VPS13D: variants seen among roughly 807,000 people sequenced by gnomAD.
VPS13D encodes vacuolar protein sorting 13 homolog D.
A neutral mutation model predicts 461.9 loss-of-function variants in VPS13D; 187 were observed. The ratio of observed to expected loss-of-function variants is 0.40; its 90% CI spans 0.36 to 0.46. VPS13D has a LOEUF of 0.46. VPS13D is among the 20% of genes least tolerant of loss of function. The pLI is 0.60. For synonymous variants in VPS13D, 1,951 were observed against 1,986.3 expected (o/e 0.98, Z 0.47); for missense variants, 4,711 against 5,364.9 (o/e 0.88, Z 3.81).
chr1:12,382,284 T>C (rs1240432329), intron 57 of VPS13D, among the ~76,000 whole-genome samples: 1 of 152,072 alleles, frequency 6.6e-6, no homozygotes, highest in African/African-American at 2.4e-5. Flanking sequence ...GTATTTTTAG[T>C]AGAGATAGGG....
At position 12,299,488 on chromosome 1, in the gene VPS13D, T is replaced by C; in HGVS notation, c.6216+104T>C. 6.7e-6 allele frequency: 9 copies of C among 1,340,380 alleles called. No individual in the cohort carries two copies. In the South Asian group the frequency reaches 1.4e-4, roughly 21 times the overall value. 83.0% of individuals were successfully genotyped at this position (1,340,380 alleles called of 1,614,324 possible). On this transcript the variant is annotated intron_variant, in intron 25 of 69. Transcript: ENST00000620676. The surrounding 1 kb of genome is among the most constrained non-coding windows in gnomAD (Gnocchi z 4.2). ...GATGATCCATAATTGCTATTACTTTTGTAGGGTATGTGGCTTGAAGAATTT... is the reference window on the plus strand; with the variant it reads ...GATGATCCATAATTGCTATTACTTTCGTAGGGTATGTGGCTTGAAGAATTT...
chr1:12,368,495 A>G lies in VPS13D; in HGVS notation c.10476A>G (p.Leu3492=), dbSNP rs769962846. ...ATACCTTGGGAAAATGCTTCTTCCTACGAGTGGAAATTACTCTCCGAGGAG... is the reference window on the plus strand; with the variant it reads ...ATACCTTGGGAAAATGCTTCTTCCTGCGAGTGGAAATTACTCTCCGAGGAG... ...MRDTLGKCFF[L]RVEITLRGAT... is the part of the protein sequence containing the mutation. The change falls in exon 53 of 70, where the codon CTA becomes CTG. Residue 3492 remains leucine (L), a synonymous_variant. Transcript: ENST00000620676. 8 of 1,613,260 alleles carry G rather than the reference A, an allele frequency of 5.0e-6. No individual in the cohort carries two copies. Among genetic ancestry groups the G allele is most frequent in the South Asian group, 3.3e-5 (3 of 90,974 alleles).
At chr1:12,249,790 A>G (rs1640675422) in intron 6 of VPS13D, among the ~76,000 whole-genome samples, 1 of 152,142 alleles carries the variant, frequency 6.6e-6, no homozygotes, top group Non-Finnish European at 1.5e-5. Context: ...CACACTCTAC[A>G]CAAAAAACAA....
At chr1:12,429,596 C>G (rs1208506412) in intron 65 of VPS13D, among the ~76,000 whole-genome samples, 1 of 152,212 alleles carries the variant, frequency 6.6e-6, no homozygotes, top group Non-Finnish European at 1.5e-5. Context: ...TTAGCCCATA[C>G]AAACTTTTTA....
Position 12,400,179 on chromosome 1 carries a change from A to T in VPS13D, c.11635-2A>T. ...TGCTTTGCTACCTTTCCATGGCCGT[A>T]GGTGGACAATCAGCTCATTGGTACC... On this transcript the variant is annotated splice_acceptor_variant, in intron 60 of 69. Coordinates refer to ENST00000620676, the MANE Select transcript of VPS13D (RefSeq NM_015378.4). LOFTEE classifies it high-confidence loss of function. The T allele has an allele frequency of 6.2e-7, 1 of 1,613,688 alleles. No homozygotes were observed. The highest frequency in any genetic ancestry group is 8.5e-7 in the Non-Finnish European group (1 of 1,179,900).
intron 21 of VPS13D, 48 bp from the exon 22 acceptor site, chr1:12,288,175 C>G (rs1012830588): frequency 6.7e-7 from 1 of 1,502,862 alleles, no homozygotes; most frequent in African/African-American, 1.4e-5. Context: ...TGAAAGATAC[C>G]TTTTCTCCCC....
Position 12,299,947 on chromosome 1 carries a change from G to A in VPS13D, c.6216+563G>A, listed in dbSNP as rs531621995. ...TGTTTTAGATACAGGGGGTACATGT[G>A]CAGGTTTCTTAGATGGGTATATTGC... is the stretch of plus-strand genomic sequence containing the variant. On this transcript the variant is annotated intron_variant, in intron 25 of 69. Transcript: ENST00000620676. This position sits in a 1 kb window ranked among gnomAD's most constrained non-coding sequence, Gnocchi z 4.2. 5.3e-5 allele frequency among the ~76,000 whole-genome samples: 8 copies of A among 150,024 alleles called. No individual in the cohort carries two copies. In the East Asian group the frequency reaches 1.4e-3, roughly 26 times the overall value.
intron 65 of VPS13D, among the ~76,000 whole-genome samples, chr1:12,446,040 G>A (rs1645188391): frequency 6.6e-6 from 1 of 152,228 alleles, no homozygotes; most frequent in Non-Finnish European, 1.5e-5. Context: ...TAAAAAGTTA[G>A]TTGTTAGAAA....
chr1:12,415,307 A>G, intron 64 of VPS13D, 86 bp downstream of exon 64: 4 of 1,540,722 alleles, frequency 2.6e-6, no homozygotes, highest in Non-Finnish European at 3.6e-6. Flanking sequence ...CTAAGGCATT[A>G]CTATTGAGAA....
chr1:12,456,670 GACA>G (rs1489550645), intron 66 of VPS13D, among the ~76,000 whole-genome samples: 2 of 148,324 alleles, frequency 1.3e-5, no homozygotes, highest in East Asian at 4.0e-4. Flanking sequence ...AGAAAAGGCT[GACA>G]ACAGAGGAAA....
At position 12,276,152 on chromosome 1, in the gene VPS13D, A is replaced by G. The variant is rs1193657876; in HGVS notation, c.2564A>G (p.His855Arg). ...CATGTGGTAGAGAAGTTCAACGTTC[A>G]CCTACAGTTAGAGCGTCGATTGATT... is the stretch of plus-strand genomic sequence containing the variant. ...PTHVVEKFNV[H>R]LQLERRLIYT... Residue 855 changes from histidine to arginine, a missense_variant, in exon 19 of 70, where the codon CAC becomes CGC. By Grantham distance (29) the His-to-Arg change is conservative. Coordinates refer to ENST00000620676, the MANE Select transcript of VPS13D (RefSeq NM_015378.4). This position sits in a 1 kb window ranked among gnomAD's most constrained non-coding sequence, Gnocchi z 4.5. The G allele has an allele frequency of 2.5e-6, 4 of 1,614,168 alleles. No homozygotes were observed. The highest frequency in any genetic ancestry group is 3.3e-5 in the Admixed American group (2 of 60,018).
At position 12,249,436 on chromosome 1, in the gene VPS13D, A is replaced by G. The variant is rs192661635; in HGVS notation, c.564+97A>G. Reference sequence around the variant, plus strand: ...ATTTTGTGTTATGTAAATGAATCACATTCTTTTCCATTGCCTTCTGTGATA... The same window carrying G: ...ATTTTGTGTTATGTAAATGAATCACGTTCTTTTCCATTGCCTTCTGTGATA... On this transcript the variant is annotated intron_variant, in intron 6 of 69. Coordinates refer to ENST00000620676, the MANE Select transcript of VPS13D (RefSeq NM_015378.4). 325 of 886,478 alleles carry G rather than the reference A, an allele frequency of 3.7e-4. 4 individuals are homozygous for G. The African/African-American group carries it at 5.2e-3, about 14-fold the overall frequency. 54.9% of individuals were successfully genotyped at this position (886,478 alleles called of 1,614,324 possible). A position where few individuals can be genotyped will look rare whatever the true frequency, so the allele number is the denominator to read the frequency against.
In VPS13D at chr1:12,377,121, G is replaced by A. The variant is rs186927868; in HGVS notation, c.10918-1307G>A. 1.6e-3 allele frequency among the ~76,000 whole-genome samples: 248 copies of A among 150,988 alleles called. 4 individuals carry two copies. The highest frequency in any genetic ancestry group is 5.8e-3 in the African/African-American group (238 of 41,058). ...GTTCCCCAGGCTAGAGTGCAATGGC[G>A]CAATCTTGGCTCACTGCAACCTCTG... On this transcript the variant is annotated intron_variant, in intron 55 of 69. Transcript: ENST00000620676.
At chr1:12,234,046 CAAAACA>C (rs989976784) in intron 1 of VPS13D, 139 bp from the exon 2 acceptor site, 6 of 404,960 alleles carry the variant, frequency 1.5e-5, no homozygotes, top group Non-Finnish European at 2.7e-5. Flanking sequence ...GAAACTGTCT[CAAAACA>C]AAAACAAAAA....
At position 12,283,214 on chromosome 1, in the gene VPS13D, A is replaced by G. The variant is rs1002153251; in HGVS notation, c.5112A>G (p.Glu1704=). Residue 1704 remains glutamate (E), a synonymous_variant, in exon 21 of 70, where the codon GAA becomes GAG. Transcript: ENST00000620676. ...AGCCATCTAGTTTAGCACAAAAAGAATACCTTTCTCAGTCTTGCCCCTCAG... is the reference window on the plus strand; with the variant it reads ...AGCCATCTAGTTTAGCACAAAAAGAGTACCTTTCTCAGTCTTGCCCCTCAG... ...APKPSSLAQK[E]YLSQSCPSVS... is the part of the protein sequence containing the mutation. The G allele has an allele frequency of 3.7e-6, 6 of 1,614,156 alleles. No individual in the cohort carries two copies. In the South Asian group the frequency reaches 6.6e-5, roughly 18 times the overall value.
intron 52 of VPS13D, among the ~76,000 whole-genome samples, chr1:12,363,509 G>T (rs1204372562): frequency 6.6e-6 from 1 of 152,158 alleles, no homozygotes; most frequent in Non-Finnish European, 1.5e-5. Flanking sequence ...CTGCAACTTT[G>T]AAAGGTCTGT....
At chr1:12,432,225 C>G (rs1313357445) in intron 65 of VPS13D, among the ~76,000 whole-genome samples, 3 of 151,880 alleles carry the variant, frequency 2.0e-5, no homozygotes, top group Admixed American at 2.0e-4. Flanking sequence ...GAAACCCCAT[C>G]TCTACTAAAA....
At chr1:12,339,909 G>T (rs1429839647) in intron 40 of VPS13D, among the ~76,000 whole-genome samples, 2 of 152,278 alleles carry the variant, frequency 1.3e-5, no homozygotes, top group South Asian at 4.1e-4. Flanking sequence ...AAAGCCATCT[G>T]CCACCTGTTC....
intron 65 of VPS13D, among the ~76,000 whole-genome samples, chr1:12,438,338 A>G (rs940988681): frequency 2.0e-5 from 3 of 152,156 alleles, no homozygotes; most frequent in Non-Finnish European, 4.4e-5. Flanking sequence ...AAAGATGGCC[A>G]TCTAGGAAGC....
Sources: gnomAD v4.1 joint callset for allele counts (sites outside exome capture counted in the v4.1 genomes callset) on GRCh38, gnomAD v4.1.1 for gene constraint, Gnocchi (gnomAD v3.1) non-coding constraint, MANE v1.5 for transcripts, NCBI Gene and HGNC (gene_info 2026-07-23, HGNC 2026-07-21) for gene names.